ZNF385B: variants seen among roughly 807,000 people sequenced by gnomAD.
ZNF385B encodes the protein zinc finger protein 533.
In ZNF385B, 23 loss-of-function variants were observed where a neutral mutation model predicts 39.2. The observed-to-expected ratio is 0.59, with a 90% CI of 0.42 to 0.83. ZNF385B has a LOEUF of 0.83. Among genes scored for constraint, ZNF385B ranks in the 40% least tolerant of loss-of-function variants. ZNF385B has a pLI of 0.00. For missense variants in ZNF385B, 552 were observed against 598.9 expected (o/e 0.92, Z 0.82); for synonymous variants, 205 against 222.6 (o/e 0.92, Z 0.70).
intron 4 of ZNF385B, among the ~76,000 whole-genome samples, chr2:179,540,109 T>C (rs140041732): frequency 1.5e-3 from 227 of 152,310 alleles, no homozygotes; most frequent in African/African-American, 5.2e-3. Context: ...CTGGGCACTA[T>C]AGCTGGAAGA....
intron 4 of ZNF385B, among the ~76,000 whole-genome samples, chr2:179,537,243 C>T (rs780332045): frequency 2.0e-5 from 3 of 148,534 alleles, no homozygotes; most frequent in Admixed American, 1.4e-4. Context: ...TGGAGGTTGC[C>T]GTGAGCCAAG....
At chr2:179,715,201 T>C (rs1173974840) in intron 3 of ZNF385B, among the ~76,000 whole-genome samples, 2 of 139,718 alleles carry the variant, frequency 1.4e-5, no homozygotes, top group Non-Finnish European at 3.2e-5. Flanking sequence ...TAACAGCTCA[T>C]GCCAAATCCT....
At chr2:179,681,310 T>C (rs1456959579) in intron 3 of ZNF385B, among the ~76,000 whole-genome samples, 3 of 152,096 alleles carry the variant, frequency 2.0e-5, no homozygotes, top group Non-Finnish European at 4.4e-5. Context: ...CAGTTACAGG[T>C]AGGATTCTGT....
chr2:179,841,252 T>C (rs1273614975), intron 1 of ZNF385B, among the ~76,000 whole-genome samples: 2 of 152,208 alleles, frequency 1.3e-5, no homozygotes, highest in Non-Finnish European at 1.5e-5. Flanking sequence ...CAAAGCTTTC[T>C]ATATTCAGAC....
At chr2:179,773,672 A>G (rs1263841395) in intron 1 of ZNF385B, among the ~76,000 whole-genome samples, 1 of 152,218 alleles carries the variant, frequency 6.6e-6, no homozygotes, top group Non-Finnish European at 1.5e-5. Context: ...CAGAATAGGT[A>G]GGCAGAGGGC....
chr2:179,529,118 A>C lies in ZNF385B; in HGVS notation c.442-10480T>G, dbSNP rs940662354. Among the ~76,000 whole-genome samples, 69 of 152,192 alleles carry C rather than the reference A, an allele frequency of 4.5e-4. 2 individuals are homozygous for C. The highest frequency in any genetic ancestry group is 1.2e-4 in the Non-Finnish European group (8 of 68,028). On this transcript the variant is annotated intron_variant, in intron 4 of 9. Coordinates refer to ENST00000410066, the MANE Select transcript of ZNF385B (RefSeq NM_152520.6). ...GAGTTTTAAATGAGTAAACTAAATAACTGAAATTCTATCGCATAGGTGTTC... is the reference window on the plus strand; with the variant it reads ...GAGTTTTAAATGAGTAAACTAAATACCTGAAATTCTATCGCATAGGTGTTC...
chr2:179,797,921 T>A (rs1220358537), intron 1 of ZNF385B, among the ~76,000 whole-genome samples: 1 of 152,156 alleles, frequency 6.6e-6, no homozygotes, highest in African/African-American at 2.4e-5. Context: ...TATGAGCTAA[T>A]ATACTCTTAC....
chr2:179,578,190 T>C (rs1686059449), intron 3 of ZNF385B, among the ~76,000 whole-genome samples: 1 of 152,156 alleles, frequency 6.6e-6, no homozygotes, highest in East Asian at 1.9e-4. Flanking sequence ...AATTCATTTA[T>C]AAATTCATTC....
At chr2:179,725,849 A>G (rs1700973418) in intron 3 of ZNF385B, among the ~76,000 whole-genome samples, 1 of 150,192 alleles carries the variant, frequency 6.7e-6, no homozygotes, top group Admixed American at 6.7e-5. Flanking sequence ...TCATATATAC[A>G]TATATCATAT....
intron 1 of ZNF385B, among the ~76,000 whole-genome samples, chr2:179,799,217 T>C (rs1438368956): frequency 6.6e-6 from 1 of 152,052 alleles, no homozygotes; most frequent in Non-Finnish European, 1.5e-5. Context: ...AGCAACATAG[T>C]CGAACGAAAA....
chr2:179,548,013 C>T (rs1205197419), intron 3 of ZNF385B, among the ~76,000 whole-genome samples: 2 of 149,246 alleles, frequency 1.3e-5, no homozygotes, highest in South Asian at 4.3e-4. Flanking sequence ...TTCTTGATTT[C>T]TTTTTCAGAT....
chr2:179,839,995 G>C (rs1319334852), intron 1 of ZNF385B, among the ~76,000 whole-genome samples: 3 of 152,194 alleles, frequency 2.0e-5, no homozygotes, highest in African/African-American at 7.2e-5. Context: ...TTAAGACAGT[G>C]GGCAGAGGAA....
chr2:179,723,493 G>A (rs1031381017), intron 3 of ZNF385B, among the ~76,000 whole-genome samples: 15 of 152,064 alleles, frequency 9.9e-5, no homozygotes, highest in African/African-American at 1.2e-4. Context: ...GGTTTTTGCC[G>A]TACTAAATAA....
rs1316132410 is a variant in ZNF385B, at chr2:179,705,502, T to C, written c.298+64001A>G. ...CCATTTCATACTCTCAGGTCCTTTA[T>C]TGAAGAAAAATTTGAGGAATTTCAG... is the stretch of plus-strand genomic sequence containing the variant. On this transcript the variant is annotated intron_variant, in intron 3 of 9. Coordinates refer to ENST00000410066, the MANE Select transcript of ZNF385B (RefSeq NM_152520.6). Among the ~76,000 whole-genome samples the C allele has an allele frequency of 3.3e-5, 5 of 152,196 alleles. No homozygotes were observed. In the East Asian group the frequency reaches 5.8e-4, roughly 18 times the overall value.
chr2:179,669,049 A>G (rs1014331649), intron 3 of ZNF385B, among the ~76,000 whole-genome samples: 2 of 152,224 alleles, frequency 1.3e-5, no homozygotes, highest in African/African-American at 4.8e-5. Context: ...CAGAACTATG[A>G]AGAGAGCATA....
chr2:179,620,444 T>C (rs1309320563), intron 3 of ZNF385B, among the ~76,000 whole-genome samples: 3 of 152,154 alleles, frequency 2.0e-5, no homozygotes, highest in African/African-American at 4.8e-5. Context: ...CAATTAGTCA[T>C]TGGTAATTAT....
chr2:179,661,668 A>T (rs1449775579), intron 3 of ZNF385B, among the ~76,000 whole-genome samples: 2 of 152,176 alleles, frequency 1.3e-5, no homozygotes, highest in Non-Finnish European at 2.9e-5. Flanking sequence ...AAATTGTTTT[A>T]TTGCCATATT....
rs560997595 is a variant in ZNF385B, at chr2:179,451,197, A to G, written c.716-4427T>C. 1.4e-3 allele frequency among the ~76,000 whole-genome samples: 209 copies of G among 151,480 alleles called. 1 individual carries two copies. Among genetic ancestry groups the G allele is most frequent in the African/African-American group, 4.8e-3 (199 of 41,224 alleles). On this transcript the variant is annotated intron_variant, in intron 6 of 9. Transcript: ENST00000410066. ...GCACACCAACATGGCACATGTATACATATGTAACTAACCTGCACGTTGTGC... is the reference window on the plus strand; with the variant it reads ...GCACACCAACATGGCACATGTATACGTATGTAACTAACCTGCACGTTGTGC...
At chr2:179,677,164 T>C (rs1483409754) in intron 3 of ZNF385B, among the ~76,000 whole-genome samples, 1 of 152,188 alleles carries the variant, frequency 6.6e-6, no homozygotes, top group Non-Finnish European at 1.5e-5. Flanking sequence ...AAATCTAGCA[T>C]TGTCTGCAAA....
Sources: gnomAD v4.1 joint callset for allele counts (sites outside exome capture counted in the v4.1 genomes callset) on GRCh38, gnomAD v4.1.1 for gene constraint, MANE v1.5 for transcripts, NCBI Gene and HGNC (gene_info 2026-07-23, HGNC 2026-07-21) for gene names.